The following MTCL1 variants were observed in gnomAD, a reference collection of about 807,000 sequenced individuals.
MTCL1 encodes the protein microtubule crosslinking factor 1.
MTCL1 carries 79 observed loss-of-function variants against 141.4 expected under a neutral mutation model. The ratio of observed to expected loss-of-function variants is 0.56; its 90% CI spans 0.47 to 0.67. The LOEUF is 0.67. Among genes scored for constraint, MTCL1 ranks in the 30% least tolerant of loss-of-function variants. MTCL1 has a pLI of 0.00. For missense variants in MTCL1, 2,177 were observed against 2,113.9 expected (o/e 1.03, Z -0.59); for synonymous variants, 914 against 875.8 (o/e 1.04, Z -0.77).
intron 8 of MTCL1, among the ~76,000 whole-genome samples, chr18:8,794,958 A>T (rs1445137985): frequency 6.6e-6 from 1 of 152,200 alleles, no homozygotes; most frequent in Non-Finnish European, 1.5e-5. Context: ...CCAAAAAAAG[A>T]CCACGTTGCC....
chr18:8,784,283 G>A lies in MTCL1; in HGVS notation c.1171G>A (p.Ala391Thr), dbSNP rs757073255. 3.8e-6 allele frequency: 6 copies of A among 1,591,672 alleles called. No individual in the cohort carries two copies. In the African/African-American group the frequency reaches 8.0e-5, roughly 21 times the overall value. The change falls in exon 6 of 17, where the codon GCG (alanine) becomes ACG (threonine). Residue 391 changes from alanine to threonine, a missense_variant. Transcript: ENST00000359865. Reference sequence around the variant, plus strand: ...CCGGGACAGCGATGCCGAGAGTGATGCGGGCAAGAAGGAGAGTGATGGGGA... The same window carrying A: ...CCGGGACAGCGATGCCGAGAGTGATACGGGCAAGAAGGAGAGTGATGGGGA...
intron 4 of MTCL1, among the ~76,000 whole-genome samples, chr18:8,740,835 T>A (rs1045830530): frequency 1.3e-5 from 2 of 152,182 alleles, no homozygotes; most frequent in Non-Finnish European, 2.9e-5. Flanking sequence ...GACTCTAGGC[T>A]TCCTGAGGGC....
exon 11 of MTCL1, chr18:8,806,982 A>G (rs1490218375): frequency 6.2e-7 from 1 of 1,613,718 alleles, no homozygotes; most frequent in South Asian, 1.1e-5. Flanking sequence ...GTGCCCGACT[A>G]CGGCTGCAGC....
In MTCL1 at chr18:8,786,173, G is replaced by A. The variant is rs543740793; in HGVS notation, c.1887+82G>A. 163 of 1,419,630 alleles carry A rather than the reference G, an allele frequency of 1.1e-4. 1 individual carries two copies. The highest frequency in any genetic ancestry group is 5.3e-4 in the African/African-American group (34 of 64,172). 87.9% of individuals were successfully genotyped at this position (1,419,630 alleles called of 1,614,324 possible). A position where few individuals can be genotyped will look rare whatever the true frequency, so the allele number is the denominator to read the frequency against. Reference sequence around the variant, plus strand: ...CTGGCTGTGTGACGTTTTCTGTCCCGGACGAGGCCCTGAGGGAACATGGCA... The same window carrying A: ...CTGGCTGTGTGACGTTTTCTGTCCCAGACGAGGCCCTGAGGGAACATGGCA... On this transcript the variant is annotated intron_variant, in intron 7 of 16. Transcript: ENST00000359865.
chr18:8,774,236 TACAC>T (rs1324079672), intron 4 of MTCL1, among the ~76,000 whole-genome samples: 5 of 148,582 alleles, frequency 3.4e-5, no homozygotes, highest in Middle Eastern at 3.4e-3. Flanking sequence ...CACAAACACA[TACAC>T]ACACTCTTTT....
chr18:8,778,568 C>G (rs574689401), intron 5 of MTCL1, among the ~76,000 whole-genome samples: 13 of 152,306 alleles, frequency 8.5e-5, no homozygotes, highest in African/African-American at 2.9e-4. Flanking sequence ...CCACCGACCT[C>G]CTGCAGCCCT....
At chr18:8,728,803 C>T (rs530310514) in intron 4 of MTCL1, among the ~76,000 whole-genome samples, 4 of 121,766 alleles carry the variant, frequency 3.3e-5, no homozygotes, top group East Asian at 5.5e-4. Flanking sequence ...TGATTGATCT[C>T]GGCTCGCTGC....
intron 4 of MTCL1, among the ~76,000 whole-genome samples, chr18:8,771,383 T>C (rs1048185795): frequency 6.6e-6 from 1 of 152,196 alleles, no homozygotes; most frequent in Non-Finnish European, 1.5e-5. Context: ...TACCTGTGTG[T>C]CTTATAAACT....
At chr18:8,757,357 G>A (rs1008567548) in intron 4 of MTCL1, among the ~76,000 whole-genome samples, 6 of 152,190 alleles carry the variant, frequency 3.9e-5, no homozygotes, top group Non-Finnish European at 7.3e-5. Flanking sequence ...GAGGTTGCCA[G>A]ATCAGGAGTA....
intron 4 of MTCL1, among the ~76,000 whole-genome samples, chr18:8,741,202 G>T (rs1458566306): frequency 1.3e-5 from 2 of 152,212 alleles, no homozygotes; most frequent in Non-Finnish European, 2.9e-5. Flanking sequence ...TCTGCATGAA[G>T]TTAGATGTCT....
chr18:8,768,842 A>ATC (rs1447355901), intron 4 of MTCL1, among the ~76,000 whole-genome samples: 1 of 129,694 alleles, frequency 7.7e-6, no homozygotes, highest in African/African-American at 3.1e-5. Context: ...CCCAGGCTGG[A>ATC]GTGCAGTGGC....
At chr18:8,727,964 A>G (rs1212391833) in intron 4 of MTCL1, among the ~76,000 whole-genome samples, 1 of 149,450 alleles carries the variant, frequency 6.7e-6, no homozygotes, top group African/African-American at 2.5e-5. Context: ...GGGAAGTTAT[A>G]CATTCTATTT....
chr18:8,743,009 AC>A (rs1460489776), intron 4 of MTCL1, among the ~76,000 whole-genome samples: 1 of 152,218 alleles, frequency 6.6e-6, no homozygotes, highest in African/African-American at 2.4e-5. Flanking sequence ...AAACTGTATC[AC>A]CTTATTAAAA....
upstream of MTCL1, among the ~76,000 whole-genome samples, chr18:8,717,073 C>T (rs757757920): frequency 2.0e-5 from 3 of 152,130 alleles, no homozygotes; most frequent in Non-Finnish European, 2.9e-5. Context: ...TGTTCACTGG[C>T]GCACCTGTGT....
At chr18:8,720,228 TATGTGGTGTA>T in intron 3 of MTCL1, 100 bp from the exon 3 acceptor site, 1 of 982,214 alleles carries the variant, frequency 1.0e-6, no homozygotes, top group Middle Eastern at 2.2e-4. Context: ...GGGTCTTTGC[TATGTGGTGTA>T]ATATATTACT....
chr18:8,737,861 G>C (rs191538722), intron 4 of MTCL1, among the ~76,000 whole-genome samples: 5 of 152,242 alleles, frequency 3.3e-5, no homozygotes, highest in East Asian at 1.9e-4. Context: ...TGGCCGGTGG[G>C]CTGGCTTTCC....
intron 5 of MTCL1, among the ~76,000 whole-genome samples, chr18:8,781,179 C>CAAAAAAAAAAAAAAA (rs56370900): frequency 1.5e-5 from 1 of 67,386 alleles, no homozygotes; most frequent in Non-Finnish European, 2.7e-5. Flanking sequence ...GACTCCATCT[C>CAAAAAAAAAAAAAAA]AAAAAAAAAA....
At chr18:8,813,599 T>C (rs1368986590) in intron 12 of MTCL1, among the ~76,000 whole-genome samples, 2 of 152,216 alleles carry the variant, frequency 1.3e-5, no homozygotes, top group African/African-American at 4.8e-5. Flanking sequence ...ACTATAACTT[T>C]TAAGTTTGCC....
At chr18:8,789,703 A>G in intron 7 of MTCL1, 2 of 985,404 alleles carry the variant, frequency 2.0e-6, no homozygotes, top group South Asian at 9.4e-5. Context: ...GATGAATTTG[A>G]TGTATAATCA....
Sources: gnomAD v4.1 joint callset for allele counts (sites outside exome capture counted in the v4.1 genomes callset) on GRCh38, gnomAD v4.1.1 for gene constraint, MANE v1.5 for transcripts, NCBI Gene and HGNC (gene_info 2026-07-23, HGNC 2026-07-21) for gene names.